The following CDK15 variants were observed in gnomAD, a reference collection of about 807,000 sequenced individuals.
The protein encoded by CDK15 is cyclin dependent kinase 15, also known as cyclin-dependent kinase 15.
CDK15 carries 62 observed loss-of-function variants against 60.3 expected under a neutral mutation model. The ratio of observed to expected loss-of-function variants is 1.03; its 90% confidence interval spans 0.84 to 1.27. The LOEUF is 1.27. Ranked by LOEUF, CDK15 falls within the 50% of genes most tolerant of loss-of-function variation. CDK15 has a pLI of 0.00. For missense variants in CDK15, 541 were observed against 527.8 expected (o/e 1.03, Z -0.25); for synonymous variants, 194 against 195.7 (o/e 0.99, Z 0.07).
chr2:201,842,974 G>A (rs1697468344), intron 8 of CDK15, among the ~76,000 whole-genome samples: 1 of 152,166 alleles, frequency 6.6e-6, no homozygotes, highest in African/African-American at 2.4e-5. Context: ...CCCCAGGAAT[G>A]AAGATTTAAG....
intron 9 of CDK15, among the ~76,000 whole-genome samples, chr2:201,853,888 G>A (rs1009737939): frequency 2.0e-5 from 3 of 152,110 alleles, no homozygotes; most frequent in Non-Finnish European, 2.9e-5. Context: ...AAGGCCAGGC[G>A]CGGTTGCTCA....
At chr2:201,871,452 CTGACT>C (rs1195065522) in intron 10 of CDK15, among the ~76,000 whole-genome samples, 1 of 151,170 alleles carries the variant, frequency 6.6e-6, no homozygotes, top group Non-Finnish European at 1.5e-5. Flanking sequence ...CCTGGCTCCC[CTGACT>C]TTTTTTTTTT....
At chr2:201,865,822 A>C (rs147424278) in intron 10 of CDK15, among the ~76,000 whole-genome samples, 16,921 of 147,756 alleles carry the variant, frequency 0.11, 1,082 homozygotes, top group Middle Eastern at 0.2. Flanking sequence ...CCTGGGAGGC[A>C]GAAGTTGAAG....
At chr2:201,836,003 TA>T (rs1160546390) in intron 8 of CDK15, among the ~76,000 whole-genome samples, 8 of 120,020 alleles carry the variant, frequency 6.7e-5, no homozygotes, top group Non-Finnish European at 1.3e-4. Flanking sequence ...TATATATATT[TA>T]TATTTTTATA....
intron 8 of CDK15, among the ~76,000 whole-genome samples, chr2:201,840,049 A>G (rs527691137): frequency 6.7e-6 from 1 of 150,228 alleles, no homozygotes; most frequent in Admixed American, 6.6e-5. Flanking sequence ...CAGTGACTCA[A>G]CCTCGGCTCA....
intron 3 of CDK15, among the ~76,000 whole-genome samples, chr2:201,811,438 C>G (rs989700349): frequency 2.6e-5 from 4 of 152,250 alleles, no homozygotes; most frequent in Non-Finnish European, 5.9e-5. Flanking sequence ...GCGTGAGCCA[C>G]TGTGCCCGGC....
At chr2:201,844,046 G>C (rs1192091021) in intron 8 of CDK15, among the ~76,000 whole-genome samples, 1 of 152,154 alleles carries the variant, frequency 6.6e-6, no homozygotes, top group Non-Finnish European at 1.5e-5. Context: ...TTTAAACCTA[G>C]GAATGTCATT....
chr2:201,824,602 T>A (rs1022435304), intron 6 of CDK15: 1 of 325,392 alleles, frequency 3.1e-6, no homozygotes, highest in Non-Finnish European at 5.9e-6. Flanking sequence ...TAAAATAGAA[T>A]GTGGACCTAA....
chr2:201,850,913 A>G (rs1697878861), intron 9 of CDK15, among the ~76,000 whole-genome samples: 1 of 152,148 alleles, frequency 6.6e-6, no homozygotes, highest in African/African-American at 2.4e-5. Flanking sequence ...GGCCATTTGT[A>G]GGTCATCTTT....
At chr2:201,864,991 A>T (rs1698560310) in intron 10 of CDK15, among the ~76,000 whole-genome samples, 1 of 152,206 alleles carries the variant, frequency 6.6e-6, no homozygotes. Flanking sequence ...TGGGGCCAGT[A>T]CTGCAGGACT....
At chr2:201,851,426 T>C (rs1185891234) in intron 9 of CDK15, among the ~76,000 whole-genome samples, 1 of 152,004 alleles carries the variant, frequency 6.6e-6, no homozygotes, top group Non-Finnish European at 1.5e-5. Flanking sequence ...GCCTTGTCGC[T>C]GCATCCTCCA....
intron 6 of CDK15, 126 bp from the exon 7 acceptor site, chr2:201,833,713 CTTCTTTTTT>C (rs2105738898): frequency 1.3e-5 from 6 of 449,876 alleles, no homozygotes; most frequent in Non-Finnish European, 1.4e-5. Flanking sequence ...TCTTCTTCTT[CTTCTTTTTT>C]TTTTTTTTTT....
intron 12 of CDK15, among the ~76,000 whole-genome samples, chr2:201,886,170 G>A (rs951592380): frequency 6.6e-6 from 1 of 152,140 alleles, no homozygotes; most frequent in African/African-American, 2.4e-5. Context: ...TCTCCAGGTA[G>A]CGTGTTTAAT....
chr2:201,838,800 C>CGAA (rs1697238510), intron 8 of CDK15, among the ~76,000 whole-genome samples: 6 of 152,196 alleles, frequency 3.9e-5, no homozygotes, highest in Non-Finnish European at 8.8e-5. Context: ...GTGTCCCTTT[C>CGAA]CCATCAACCT....
chr2:201,872,181 A>T, intron 10 of CDK15, 97 bp from the exon 11 acceptor site: 7 of 1,263,592 alleles, frequency 5.5e-6, no homozygotes, highest in Non-Finnish European at 8.1e-6. Context: ...ATTTTTTTAA[A>T]CCAAGCCAAG....
Position 201,882,462 on chromosome 2 carries a change from C to A in CDK15, c.1198+2295C>A, listed in dbSNP as rs528786426. ...AAGGAGTTTCGTGGATGTTTCAGTT[C>A]TTTCAAATTCTCCTGGCTTCCTCCC... On this transcript the variant is annotated intron_variant, in intron 12 of 13. Transcript: ENST00000652192. The surrounding 1 kb of genome is among the most constrained non-coding windows in gnomAD (Gnocchi z 4.0). 6.6e-6 allele frequency among the ~76,000 whole-genome samples: 1 copy of A among 152,298 alleles called. No homozygotes were observed. The highest frequency in any genetic ancestry group is 2.1e-4 in the South Asian group (1 of 4,820).
chr2:201,814,050 C>T (rs891418276), intron 4 of CDK15, among the ~76,000 whole-genome samples: 3 of 152,144 alleles, frequency 2.0e-5, no homozygotes, highest in Admixed American at 6.6e-5. Flanking sequence ...CCAGGTCACC[C>T]GCATAAGAGG....
In CDK15 at chr2:201,880,817, G is replaced by A. The variant is rs138950373; in HGVS notation, c.1198+650G>A. Among the ~76,000 whole-genome samples, 1,372 of 152,276 alleles carry A rather than the reference G, an allele frequency of 9.0e-3. 16 individuals are homozygous for A. Among genetic ancestry groups the A allele is most frequent in the African/African-American group, 0.032 (1,314 of 41,560 alleles). ...ATGTTTCTTGGACTGTGGCCAGGAA[G>A]GGCTACAGGAGGATGTGGGCAGTGG... On this transcript the variant is annotated intron_variant, in intron 12 of 13. Coordinates refer to ENST00000652192, the MANE Select transcript of CDK15 (RefSeq NM_001366386.2).
Position 201,865,892 on chromosome 2 carries a change from C to CAA in CDK15, c.1010-6360_1010-6359dup, listed in dbSNP as rs35178158. Among the ~76,000 whole-genome samples, 240 of 40,078 alleles carry CAA rather than the reference C, an allele frequency of 6.0e-3. 41 individuals are homozygous for CAA. Among genetic ancestry groups the CAA allele is most frequent in the African/African-American group, 0.011 (148 of 13,612 alleles). The allele number at this position is 40,078 out of a possible 152,430, so 26.3% of individuals were successfully genotyped here. A position where few individuals can be genotyped will look rare whatever the true frequency, so the allele number is the denominator to read the frequency against. On this transcript the variant is annotated intron_variant, in intron 10 of 13. Coordinates refer to ENST00000652192, the MANE Select transcript of CDK15 (RefSeq NM_001366386.2). ...GCGACAGAGCAAGATTCCATCTCAA[C>CAA]AAAAAAAAAAAAAAAAAAAAAAAAA...
Sources: gnomAD v4.1 joint callset for allele counts (sites outside exome capture counted in the v4.1 genomes callset) on GRCh38, gnomAD v4.1.1 for gene constraint, Gnocchi (gnomAD v3.1) non-coding constraint, MANE v1.5 for transcripts, NCBI Gene and HGNC (gene_info 2026-07-23, HGNC 2026-07-21) for gene names.